Variants in HERPUD1 observed in about 807,000 individuals in gnomAD.
HERPUD1 encodes homocysteine-responsive endoplasmic reticulum-resident ubiquitin-like domain member 1 protein.
A neutral mutation model predicts 45.0 loss-of-function variants in HERPUD1; 17 were observed. The ratio of observed to expected loss-of-function variants is 0.38; its 90% CI spans 0.26 to 0.57. HERPUD1 has a LOEUF of 0.57. Among genes scored for constraint, HERPUD1 ranks in the 20% least tolerant of loss-of-function variants. HERPUD1 has a pLI of 0.72. For missense variants in HERPUD1, 420 were observed against 490.5 expected, an observed-to-expected ratio of 0.86 and a Z score of 1.36; for synonymous variants, 164 against 177.5, an observed-to-expected ratio of 0.92 and a Z score of 0.61.
At chr16:56,932,477 G>T in intron 1 of HERPUD1, 86 bp downstream of exon 1, 1 of 1,228,460 alleles carries the variant, frequency 8.1e-7, no homozygotes, top group Non-Finnish European at 1.1e-6. Context: ...CTGTCCTGTG[G>T]CCTCCTCCCG....
chr16:56,935,340 A>G (rs753059228), intron 2 of HERPUD1, 28 bp downstream of exon 2: 2 of 1,611,376 alleles, frequency 1.2e-6, no homozygotes, highest in East Asian at 4.5e-5. Flanking sequence ...TAACTTCTGA[A>G]TGTTTTTAAG....
rs115375983 is a variant in HERPUD1 at position 56,935,365 on chromosome 16, G to A, written c.226-36G>A. On this transcript the variant is annotated intron_variant, in intron 2 of 7. Coordinates refer to ENST00000439977, the MANE Select transcript of HERPUD1 (RefSeq NM_014685.4). ...ATGTTTTTAAGCACTCACCAGGTTAGGTTCAGGTCCTTAAGTACCTTCGTA... is the reference window on the plus strand; with the variant it reads ...ATGTTTTTAAGCACTCACCAGGTTAAGTTCAGGTCCTTAAGTACCTTCGTA... 821 of 1,612,254 alleles carry A rather than the reference G, an allele frequency of 5.1e-4. 5 individuals are homozygous for A. The African/African-American group carries it at 8.7e-3, about 17-fold the overall frequency.
At chr16:56,934,708 T>C (rs1443287176) in intron 1 of HERPUD1, among the ~76,000 whole-genome samples, 1 of 128,998 alleles carries the variant, frequency 7.8e-6, no homozygotes, top group African/African-American at 3.0e-5. Context: ...CATTCTTTTT[T>C]TTTTTTTTTT....
intron 1 of HERPUD1, among the ~76,000 whole-genome samples, chr16:56,934,395 C>G (rs1214280440): frequency 6.6e-6 from 1 of 152,154 alleles, no homozygotes; most frequent in African/African-American, 2.4e-5. Flanking sequence ...ACTTTCCTCC[C>G]TTAAAATAGG....
chr16:56,935,806 T>G (rs899867719), intron 3 of HERPUD1: 11 of 227,864 alleles, frequency 4.8e-5, no homozygotes, highest in African/African-American at 2.1e-4. Flanking sequence ...AGCAAGTTTC[T>G]TCAAAGGAGT....
intron 6 of HERPUD1, chr16:56,941,800 A>G (rs1178929256): frequency 5.9e-6 from 1 of 170,822 alleles, no homozygotes. Context: ...ATATAATTAT[A>G]GCTTTGTAGG....
At chr16:56,938,167 G>A (rs2055880292) in intron 4 of HERPUD1, among the ~76,000 whole-genome samples, 1 of 152,148 alleles carries the variant, frequency 6.6e-6, no homozygotes, top group East Asian at 1.9e-4. Context: ...TTTCAATTTT[G>A]TGATGTGCTA....
At chr16:56,937,973 A>G (rs1410818373) in intron 4 of HERPUD1, among the ~76,000 whole-genome samples, 1 of 152,100 alleles carries the variant, frequency 6.6e-6, no homozygotes, top group Non-Finnish European at 1.5e-5. Context: ...TTCTGATTCA[A>G]CTATTCTTAA....
intron 1 of HERPUD1, 110 bp from the exon 2 acceptor site, chr16:56,935,125 T>TG (rs1257151689): frequency 1.2e-5 from 9 of 729,284 alleles, no homozygotes; most frequent in East Asian, 2.6e-5. Context: ...CCCGTGATGC[T>TG]GGGGGGAAAC....
At chr16:56,940,766 A>G (rs1357572864) in intron 6 of HERPUD1, 1 of 152,056 alleles carries the variant, frequency 6.6e-6, no homozygotes, top group Non-Finnish European at 1.5e-5. Context: ...GTTTGAGACC[A>G]TCCTGGCCAA....
In HERPUD1 at chr16:56,936,707, G is replaced by A. The variant is rs1158361916; in HGVS notation, c.321G>A (p.Glu107=). 6.2e-7 allele frequency: 1 copy of A among 1,613,364 alleles called. No homozygotes were observed. The highest frequency in any genetic ancestry group is 8.5e-7 in the Non-Finnish European group (1 of 1,179,650). The change falls in exon 4 of 8, where the codon GAG becomes GAA. Residue 107 remains glutamate (E), a synonymous_variant. Coordinates refer to ENST00000439977, the MANE Select transcript of HERPUD1 (RefSeq NM_014685.4). ...TTTAGGTGGCTGAATCCACAGAGGA[G>A]CCTGCTGGTTCTAATCGGGGACAGT... ...INAKVAESTE[E]PAGSNRGQYP... is the part of the protein sequence containing the mutation.
chr16:56,939,967 AC>A lies in HERPUD1; in HGVS notation c.629del (p.Pro210LeufsTer37). On this transcript the variant is annotated frameshift_variant, in exon 6 of 8. Transcript: ENST00000439977. LOFTEE classifies it high-confidence loss of function. ...CACAAGAGATACCTGTGGTCTCTGC[AC>A]CTGCTCCAGCCCCTATTCACAACCA... is the stretch of plus-strand genomic sequence containing the variant. ...SAQEIPVVSA[P>X]APAPIHNQFP... 6.2e-7 allele frequency: 1 copy of A among 1,614,166 alleles called. No individual in the cohort carries two copies. The highest frequency in any genetic ancestry group is 8.5e-7 in the Non-Finnish European group (1 of 1,180,030).
intron 4 of HERPUD1, chr16:56,937,055 A>ATGT: frequency 3.4e-6 from 1 of 296,822 alleles, no homozygotes; most frequent in African/African-American, 2.2e-5. Context: ...AAAAAAGAAA[A>ATGT]TGTAGGCGTT....
intron 1 of HERPUD1, among the ~76,000 whole-genome samples, chr16:56,932,929 C>CG (rs564359014): frequency 1.6e-3 from 238 of 152,286 alleles, no homozygotes; most frequent in African/African-American, 5.3e-3. Context: ...TGCCGAGTCC[C>CG]GGGGTGGAGC....
chr16:56,942,507 G>A (rs551888668), intron 7 of HERPUD1, among the ~76,000 whole-genome samples: 31 of 152,332 alleles, frequency 2.0e-4, no homozygotes, highest in African/African-American at 7.0e-4. Context: ...TCAGTGGTCT[G>A]TAACAGTGTG....
chr16:56,942,334 T>C (rs1336898338), intron 7 of HERPUD1, 97 bp downstream of exon 7: 9 of 738,586 alleles, frequency 1.2e-5, no homozygotes, highest in Admixed American at 1.2e-4. Context: ...TTTACCATTT[T>C]ATTGGGCTAA....
At chr16:56,935,040 G>A (rs1286947660) in intron 1 of HERPUD1, 195 bp from the exon 2 acceptor site, 8 of 561,028 alleles carry the variant, frequency 1.4e-5, no homozygotes, top group African/African-American at 1.9e-5. Flanking sequence ...ATTTATTTGC[G>A]TGTTAGAGAC....
chr16:56,941,600 T>C (rs1307637131), intron 6 of HERPUD1: 1 of 152,154 alleles, frequency 6.6e-6, no homozygotes, highest in Non-Finnish European at 1.5e-5. Context: ...TTTTAGCTTT[T>C]AAAAATAAAA....
chr16:56,932,565 C>T (rs1255060393), intron 1 of HERPUD1, among the ~76,000 whole-genome samples, 174 bp downstream of exon 1: 2 of 152,258 alleles, frequency 1.3e-5, no homozygotes, highest in East Asian at 1.9e-4. Context: ...GACGCGGGCG[C>T]CCCTCTGTTG....
Sources: gnomAD v4.1 joint callset for allele counts (sites outside exome capture counted in the v4.1 genomes callset) on GRCh38, gnomAD v4.1.1 for gene constraint, MANE v1.5 for transcripts, NCBI Gene and HGNC (gene_info 2026-07-23, HGNC 2026-07-21) for gene names.